Variants in RGS7 observed in about 807,000 individuals in gnomAD.
RGS7 encodes the protein regulator of G protein signaling 7.
In RGS7, 27 loss-of-function variants were observed where a neutral mutation model predicts 81.1. The observed-to-expected ratio is 0.33, with a 90% CI of 0.25 to 0.46. The LOEUF is 0.46. Ranked by LOEUF, RGS7 falls within the 20% of genes least tolerant of loss-of-function variation. The probability of loss-of-function intolerance (pLI) is 1.00; values close to 1 mark genes in which losing one functional copy is unlikely to be tolerated. For synonymous variants in RGS7, 208 were observed against 207.7 expected (o/e 1.00, Z -0.01); for missense variants, 396 against 607.4 (o/e 0.65, Z 3.66).
At chr1:241,342,827 C>A (rs12042977) in intron 2 of RGS7, among the ~76,000 whole-genome samples, 131 of 152,160 alleles carry the variant, frequency 8.6e-4, no homozygotes, top group Non-Finnish European at 1.8e-3. Flanking sequence ...CACTTCACAC[C>A]CATTAGGATG....
At chr1:241,263,069 A>C (rs888841005) in intron 2 of RGS7, among the ~76,000 whole-genome samples, 2 of 152,130 alleles carry the variant, frequency 1.3e-5, no homozygotes, top group Non-Finnish European at 2.9e-5. Flanking sequence ...ACTGCACTCC[A>C]GCCTGGGCGA....
chr1:240,865,375 C>T (rs572201962), intron 9 of RGS7, among the ~76,000 whole-genome samples: 10 of 152,330 alleles, frequency 6.6e-5, no homozygotes, highest in African/African-American at 2.4e-4. Context: ...CAATATCAGG[C>T]CCCAGGCCAT....
chr1:241,328,052 T>G (rs2081723775), intron 2 of RGS7, among the ~76,000 whole-genome samples: 1 of 152,256 alleles, frequency 6.6e-6, no homozygotes, highest in Non-Finnish European at 1.5e-5. Context: ...CATTTGATTT[T>G]AGATTTAATG....
intron 6 of RGS7, among the ~76,000 whole-genome samples, chr1:240,870,514 G>A (rs943548979): frequency 2.2e-4 from 34 of 151,764 alleles, no homozygotes; most frequent in African/African-American, 7.5e-4. Context: ...TAATTTTATC[G>A]TTATTATTAT....
intron 2 of RGS7, among the ~76,000 whole-genome samples, chr1:241,257,988 G>A (rs976460427): frequency 2.0e-5 from 3 of 152,122 alleles, no homozygotes; most frequent in Non-Finnish European, 1.5e-5. Context: ...TTATAATATA[G>A]TATGTAGACA....
At chr1:241,040,349 T>C (rs1395438216) in intron 3 of RGS7, among the ~76,000 whole-genome samples, 1 of 152,126 alleles carries the variant, frequency 6.6e-6, no homozygotes, top group Admixed American at 6.5e-5. Flanking sequence ...ATATTTGACA[T>C]ACATAGGCAT....
intron 2 of RGS7, among the ~76,000 whole-genome samples, chr1:241,238,450 A>C (rs908603276): frequency 6.6e-6 from 1 of 152,046 alleles, no homozygotes; most frequent in South Asian, 2.1e-4. Flanking sequence ...GACATCAACA[A>C]CACCTTTATT....
intron 2 of RGS7, among the ~76,000 whole-genome samples, chr1:241,229,745 G>C (rs376344155): frequency 6.6e-6 from 1 of 152,334 alleles, no homozygotes; most frequent in African/African-American, 2.4e-5. Flanking sequence ...CGGCCACACC[G>C]TCAGGGGAGA....
intron 3 of RGS7, among the ~76,000 whole-genome samples, chr1:241,090,168 G>GA (rs11378739): frequency 0.24 from 36,763 of 151,940 alleles, 5,989 homozygotes; most frequent in African/African-American, 0.46. Context: ...ATGAGGTGCA[G>GA]GTGCATGTGG....
chr1:241,182,759 C>T (rs576387621), intron 2 of RGS7, among the ~76,000 whole-genome samples: 1 of 151,514 alleles, frequency 6.6e-6, no homozygotes, highest in African/African-American at 2.4e-5. Context: ...AGTGATTCTC[C>T]TGCCTCAGCC....
chr1:241,347,048 A>G (rs2082937636), intron 2 of RGS7, among the ~76,000 whole-genome samples: 1 of 152,216 alleles, frequency 6.6e-6, no homozygotes, highest in African/African-American at 2.4e-5. Context: ...AAAAATGTCC[A>G]CAGATTTCTG....
At chr1:241,353,621 T>C (rs1404304654) in intron 2 of RGS7, among the ~76,000 whole-genome samples, 24 of 152,182 alleles carry the variant, frequency 1.6e-4, no homozygotes, top group Admixed American at 1.6e-3. Context: ...CAAGAAAATC[T>C]TTCTTTGACA....
chr1:241,344,185 A>C (rs2082741346), intron 2 of RGS7, among the ~76,000 whole-genome samples: 2 of 152,216 alleles, frequency 1.3e-5, no homozygotes, highest in African/African-American at 2.4e-5. Context: ...TGATGTGTGC[A>C]TGAAGGTTCT....
chr1:241,064,690 G>A (rs78088840), intron 3 of RGS7, among the ~76,000 whole-genome samples: 4,380 of 151,796 alleles, frequency 0.029, 73 homozygotes, highest in Middle Eastern at 0.054. Flanking sequence ...GAACCCAGAA[G>A]TTCCAGACCA....
chr1:241,157,683 G>A (rs1223165756), intron 2 of RGS7, among the ~76,000 whole-genome samples: 5 of 151,874 alleles, frequency 3.3e-5, no homozygotes, highest in East Asian at 1.9e-4. Context: ...TGTTGGGCCC[G>A]GGAGTGAAGA....
At chr1:240,994,180 C>T (rs1686934292) in intron 3 of RGS7, among the ~76,000 whole-genome samples, 1 of 152,074 alleles carries the variant, frequency 6.6e-6, no homozygotes, top group South Asian at 2.1e-4. Context: ...TTTGCTTTAC[C>T]TATAAATCTT....
intron 2 of RGS7, among the ~76,000 whole-genome samples, chr1:241,336,753 C>T (rs956724308): frequency 1.3e-5 from 2 of 152,150 alleles, no homozygotes; most frequent in African/African-American, 4.8e-5. Context: ...GAAAATAAAA[C>T]GCCTTATTGC....
At chr1:240,937,079 C>T (rs576257239) in intron 4 of RGS7, among the ~76,000 whole-genome samples, 37 of 152,272 alleles carry the variant, frequency 2.4e-4, no homozygotes, top group Admixed American at 5.9e-4. Flanking sequence ...TGCCTTGTAC[C>T]GAAACGGACA....
intron 2 of RGS7, among the ~76,000 whole-genome samples, chr1:241,188,966 G>T (rs574489996): frequency 3.9e-5 from 6 of 152,160 alleles, no homozygotes; most frequent in African/African-American, 1.4e-4. Context: ...ACCAACATTT[G>T]GTGTTGTCAC....
Sources: allele counts gnomAD v4.1 joint callset (sites outside exome capture counted in the v4.1 genomes callset), GRCh38; gene constraint gnomAD v4.1.1; transcripts MANE v1.5; gene names NCBI Gene and HGNC (gene_info 2026-07-23, HGNC 2026-07-21).